Variants in ARID1A observed in about 807,000 individuals in gnomAD.
ARID1A encodes AT-rich interactive domain-containing protein 1A.
ARID1A carries 20 observed loss-of-function variants against 212.6 expected under a neutral mutation model. That is an observed-to-expected ratio of 0.09 (90% CI 0.07 to 0.14). ARID1A has a LOEUF of 0.14. Ranked by LOEUF, ARID1A falls within the 10% of genes least tolerant of loss-of-function variation. ARID1A has a pLI of 1.00. For synonymous variants in ARID1A, 1,376 were observed against 1,222.1 expected (o/e 1.13, Z -2.63); for missense variants, 2,587 against 3,059.0 (o/e 0.85, Z 3.64).
intron 9 of ARID1A, 31 bp from the exon 10 acceptor site, chr1:26,766,426 C>A (rs773976600): frequency 6.2e-7 from 1 of 1,613,750 alleles, no homozygotes; most frequent in African/African-American, 1.3e-5. Flanking sequence ...GCTAAACTTA[C>A]TGGACTTGAG....
At chr1:26,717,286 CAG>C (rs2080512667) in intron 1 of ARID1A, among the ~76,000 whole-genome samples, 1 of 152,164 alleles carries the variant, frequency 6.6e-6, no homozygotes, top group Admixed American at 6.5e-5. Flanking sequence ...ATTGAGGGTG[CAG>C]AGAGAGAAGT....
Position 26,696,374 on chromosome 1 carries a change from G to C in ARID1A, c.-30G>C, listed in dbSNP as rs1570537891. On this transcript the variant is annotated 5_prime_UTR_variant, in exon 1 of 20. Coordinates refer to ENST00000324856, the MANE Select transcript of ARID1A (RefSeq NM_006015.6). The stretch of plus-strand genomic sequence containing the variant: ...GGGGGAGAAGACGAAGACAGGGCCG[G>C]GTCTCTCCGCGGACGAGACAGCGGG... 8.1e-7 allele frequency: 1 copy of C among 1,238,480 alleles called. No individual in the cohort carries two copies. The highest frequency in any genetic ancestry group is 1.6e-5 in the African/African-American group (1 of 62,930). The allele number at this position is 1,238,480 out of a possible 1,614,324, so 76.7% of individuals were successfully genotyped here.
chr1:26,756,712 T>C (rs990794189), intron 4 of ARID1A, among the ~76,000 whole-genome samples: 17 of 152,026 alleles, frequency 1.1e-4, no homozygotes, highest in African/African-American at 3.4e-4. Flanking sequence ...GTTTTTTTTT[T>C]TCTTTTTTGA....
chr1:26,746,862 T>G (rs961092009), intron 4 of ARID1A, among the ~76,000 whole-genome samples: 1 of 152,098 alleles, frequency 6.6e-6, no homozygotes, highest in African/African-American at 2.4e-5. Flanking sequence ...TAAAACCCTA[T>G]CTCTACTAAA....
At chr1:26,724,552 A>G (rs1261663590) in intron 1 of ARID1A, among the ~76,000 whole-genome samples, 1 of 152,176 alleles carries the variant, frequency 6.6e-6, no homozygotes, top group East Asian at 1.9e-4. Flanking sequence ...CTCCTCGGTC[A>G]TGGTCAGATG....
intron 1 of ARID1A, among the ~76,000 whole-genome samples, chr1:26,711,534 G>T (rs1413308941): frequency 6.6e-6 from 1 of 152,106 alleles, no homozygotes; most frequent in East Asian, 1.9e-4. Flanking sequence ...CGTAACGTTG[G>T]AGGTTAGGGC....
rs753877643 is a variant in ARID1A, at chr1:26,773,507, C to A, written c.3866+11C>A. The A allele has an allele frequency of 6.2e-7, 1 of 1,612,634 alleles. No homozygotes were observed. Among genetic ancestry groups the A allele is most frequent in the Non-Finnish European group, 8.5e-7 (1 of 1,179,028 alleles). ...TTATGACAGAGTGAGGTAAGCATGA[C>A]CCCAGCTCCTGTCCACTCCCCCAGC... is the stretch of plus-strand genomic sequence containing the variant. On this transcript the variant is annotated intron_variant, in intron 15 of 19. Coordinates refer to ENST00000324856, the MANE Select transcript of ARID1A (RefSeq NM_006015.6).
chr1:26,717,285 G>A (rs1461532237), intron 1 of ARID1A, among the ~76,000 whole-genome samples: 1 of 152,206 alleles, frequency 6.6e-6, no homozygotes, highest in African/African-American at 2.4e-5. Context: ...TATTGAGGGT[G>A]CAGAGAGAGA....
chr1:26,779,754 C>T lies in ARID1A; in HGVS notation c.5856C>T (p.Ile1952=), dbSNP rs1337017828. The T allele has an allele frequency of 6.2e-7, 1 of 1,614,148 alleles. No homozygotes were observed. Among genetic ancestry groups the T allele is most frequent in the African/African-American group, 1.3e-5 (1 of 75,026 alleles). Residue 1952 remains isoleucine (I), a synonymous_variant, in exon 20 of 20, where the codon ATC becomes ATT. Transcript: ENST00000324856. ...GCCCAGCACAGAGCCACCGGAACAT[C>T]AAGATCCTAGAGGACGAACCCCACA... is the stretch of plus-strand genomic sequence containing the variant. ...GISPAQSHRN[I]KILEDEPHSK... is the part of the protein sequence containing the mutation.
At position 26,772,857 on chromosome 1, in the gene ARID1A, T is replaced by G. The variant is rs1181288908; in HGVS notation, c.3585T>G (p.Ser1195Arg). The stretch of plus-strand genomic sequence containing the variant: ...TCCAGGATGCCTTTAATGATGGAAG[T>G]GACTCCACATTCCAGAAGCGGAATT... Reference protein sequence around the residue: ...VGIQDAFNDGSDSTFQKRNSM... With the variant: ...VGIQDAFNDGRDSTFQKRNSM... The change falls in exon 14 of 20, where the codon AGT becomes AGG. Residue 1195 changes from serine (S) to arginine (R), a missense_variant. Around this residue, in one of 11 missense-constraint regions of ARID1A, gnomAD observed 890 missense variants for 1,098.2 expected, o/e 0.81. Transcript: ENST00000324856. The G allele has an allele frequency of 6.2e-7, 1 of 1,614,180 alleles. No individual in the cohort carries two copies.
Position 26,774,774 on chromosome 1 carries a change from C to G in ARID1A, c.4547C>G (p.Ser1516Cys), listed in dbSNP as rs2124120384. 2 of 1,614,250 alleles carry G rather than the reference C, an allele frequency of 1.2e-6. No homozygotes were observed. The highest frequency in any genetic ancestry group is 1.1e-5 in the South Asian group (1 of 91,090). The change falls in exon 18 of 20, where the codon TCT becomes TGT. Residue 1516 changes from serine to cysteine, a missense_variant. Ser to Cys is a moderately radical substitution (Grantham distance 112). Transcript: ENST00000324856. The surrounding 1 kb of genome is among the most constrained non-coding windows in gnomAD (Gnocchi z 5.6). The part of the protein sequence containing the change: ...YNYANRQSTG[S>C]APQGPAYHGV... ...TATGCCAACAGGCAGAGCACGGGCTCTGCCCCCCAGGGCCCCGCCTATCAT... is the reference window on the plus strand; with the variant it reads ...TATGCCAACAGGCAGAGCACGGGCTGTGCCCCCCAGGGCCCCGCCTATCAT...
chr1:26,713,875 A>G (rs921182278), intron 1 of ARID1A, among the ~76,000 whole-genome samples: 1 of 152,144 alleles, frequency 6.6e-6, no homozygotes, highest in Non-Finnish European at 1.5e-5. Context: ...TGTGATTTCA[A>G]TCCTCTGCTT....
intron 1 of ARID1A, among the ~76,000 whole-genome samples, chr1:26,716,525 G>C (rs1160523939): frequency 6.6e-6 from 1 of 152,148 alleles, no homozygotes; most frequent in African/African-American, 2.4e-5. Flanking sequence ...GTGCTGGTCA[G>C]TTCTGAGTCC....
In ARID1A at chr1:26,781,035, CTT is replaced by C. The variant is rs766238144; in HGVS notation, c.*285_*286del. The C allele has an allele frequency of 4.5e-5, 16 of 358,576 alleles. No homozygotes were observed. Among genetic ancestry groups the C allele is most frequent in the East Asian group, 4.0e-4 (10 of 24,722 alleles). The allele number at this position is 358,576 out of a possible 1,614,324, so 22.2% of individuals were successfully genotyped here. On this transcript the variant is annotated 3_prime_UTR_variant, in exon 20 of 20. Transcript: ENST00000324856. ...GACAAAGCTCTGCCTACATAGAAGACTTTTTTTATTTTAACCAAAGTTACTGT... is the reference window on the plus strand; with the variant it reads ...GACAAAGCTCTGCCTACATAGAAGACTTTTTATTTTAACCAAAGTTACTGT...
intron 4 of ARID1A, among the ~76,000 whole-genome samples, chr1:26,745,461 A>G (rs1223600658): frequency 6.6e-6 from 1 of 152,182 alleles, no homozygotes; most frequent in Admixed American, 6.5e-5. Context: ...ATCCAAAACC[A>G]AGGGATTCTT....
intron 10 of ARID1A, among the ~76,000 whole-genome samples, chr1:26,767,456 C>T (rs1557611863): frequency 1.3e-5 from 2 of 152,198 alleles, no homozygotes; most frequent in Admixed American, 1.3e-4. Context: ...TGATACTCAG[C>T]CTGCCACTTA....
intron 1 of ARID1A, among the ~76,000 whole-genome samples, chr1:26,718,806 C>T (rs936989211): frequency 6.6e-6 from 1 of 152,112 alleles, no homozygotes; most frequent in Non-Finnish European, 1.5e-5. Flanking sequence ...GGATGCAGAA[C>T]CCATGGATAC....
chr1:26,774,008 A>G lies in ARID1A; in HGVS notation c.4101+110A>G. Reference sequence around the variant, plus strand: ...AGAAGCTCACTTTAGATATTTTGGCATTCTTCTCTCACCTGACTGGCCAGT... The same window carrying G: ...AGAAGCTCACTTTAGATATTTTGGCGTTCTTCTCTCACCTGACTGGCCAGT... On this transcript the variant is annotated intron_variant, in intron 17 of 19. Coordinates refer to ENST00000324856, the MANE Select transcript of ARID1A (RefSeq NM_006015.6). This position sits in a 1 kb window ranked among gnomAD's most constrained non-coding sequence, Gnocchi z 5.6. 1 of 1,400,388 alleles carries G rather than the reference A, an allele frequency of 7.1e-7. No individual in the cohort carries two copies. The highest frequency in any genetic ancestry group is 9.9e-7 in the Non-Finnish European group (1 of 1,011,902). The allele number at this position is 1,400,388 out of a possible 1,614,324, so 86.7% of individuals were successfully genotyped here. A position where few individuals can be genotyped will look rare whatever the true frequency, so the allele number is the denominator to read the frequency against.
At chr1:26,767,621 A>G (rs2081050671) in intron 10 of ARID1A, among the ~76,000 whole-genome samples, 169 bp from the exon 11 acceptor site, 1 of 152,176 alleles carries the variant, frequency 6.6e-6, no homozygotes, top group Non-Finnish European at 1.5e-5. Context: ...TATAGGAAAA[A>G]AAAATTTGGT....
Sources: allele counts gnomAD v4.1 joint callset (sites outside exome capture counted in the v4.1 genomes callset), GRCh38; gene constraint gnomAD v4.1.1; regional missense constraint gnomAD v4.1.1; non-coding constraint Gnocchi (gnomAD v3.1); transcripts MANE v1.5; gene names NCBI Gene and HGNC (gene_info 2026-07-23, HGNC 2026-07-21).